The following LAIR1 variants were observed in gnomAD, a reference collection of about 807,000 sequenced individuals.
LAIR1 encodes the protein leukocyte associated immunoglobulin like receptor 1.
In LAIR1, 24 loss-of-function variants were observed where a neutral mutation model predicts 32.8. The ratio of observed to expected loss-of-function variants is 0.73; its 90% CI spans 0.53 to 1.03. LAIR1 has a LOEUF of 1.03. LAIR1 is among the 50% of genes least tolerant of loss of function. LAIR1 has a pLI of 0.00. For synonymous variants in LAIR1, 150 were observed against 140.5 expected, an observed-to-expected ratio of 1.07 and a Z score of -0.48; for missense variants, 355 against 347.5, an observed-to-expected ratio of 1.02 and a Z score of -0.17.
At chr19:54,360,575 G>C in intron 3 of LAIR1, 1 of 450,752 alleles carries the variant, frequency 2.2e-6, no homozygotes, top group Non-Finnish European at 4.0e-6. Flanking sequence ...CATCCATCCC[G>C]TGTGAAAAGA....
upstream of LAIR1, among the ~76,000 whole-genome samples, chr19:54,374,264 G>A (rs540153774): frequency 6.6e-6 from 1 of 152,136 alleles, no homozygotes; most frequent in Non-Finnish European, 1.5e-5. Flanking sequence ...AAAACCAAAG[G>A]TTCAAGTAAT....
At chr19:54,375,070 T>C (rs1401305785), upstream of LAIR1, among the ~76,000 whole-genome samples, 1 of 152,138 alleles carries the variant, frequency 6.6e-6, no homozygotes, top group Non-Finnish European at 1.5e-5. Flanking sequence ...AGTACGTCGC[T>C]CAAAATCTGC....
Position 54,360,641 on chromosome 19 carries a change from C to A in LAIR1, c.364+275G>T, listed in dbSNP as rs2081966181. 2.5e-5 allele frequency: 13 copies of A among 520,366 alleles called. No individual in the cohort carries two copies. The South Asian group carries it at 4.0e-4, about 16-fold the overall frequency. The allele number at this position is 520,366 out of a possible 1,614,324, so 32.2% of individuals were successfully genotyped here. A position where few individuals can be genotyped will look rare whatever the true frequency, so the allele number is the denominator to read the frequency against. On this transcript the variant is annotated intron_variant, in intron 3 of 9. Coordinates refer to ENST00000391742, the MANE Select transcript of LAIR1 (RefSeq NM_002287.6). ...TAATCTCTGGGAACCCACTCCCCACCCAGCCAAGCAGAGCCAGCTCTGAGC... is the reference window on the plus strand; with the variant it reads ...TAATCTCTGGGAACCCACTCCCCACACAGCCAAGCAGAGCCAGCTCTGAGC...
chr19:54,370,965 T>A (rs1601349701), upstream of LAIR1, among the ~76,000 whole-genome samples: 1 of 150,672 alleles, frequency 6.6e-6, no homozygotes, highest in Non-Finnish European at 1.5e-5. Context: ...TTTGTTTTTC[T>A]TTTTGCTTTT....
chr19:54,366,519 C>A (rs879466951), upstream of LAIR1, among the ~76,000 whole-genome samples: 1 of 152,048 alleles, frequency 6.6e-6, no homozygotes, highest in Non-Finnish European at 1.5e-5. Flanking sequence ...AACGGAGTCT[C>A]GCTCTGTTGC....
At chr19:54,356,176 G>A (rs2081693254) in intron 8 of LAIR1, 54 bp downstream of exon 8, 4 of 1,530,966 alleles carry the variant, frequency 2.6e-6, no homozygotes, top group Middle Eastern at 2.1e-4. Context: ...ATCTGGATTG[G>A]CACCAAGTCC....
rs1037033472 is a variant in LAIR1, at chr19:54,352,128, C to A, written c.*3140G>T. ...GGGCTCCAAGAAAGGGAAGGCCAGA[C>A]CCCTGGCCTCTGCCCTGGTTACTCA... On this transcript the variant is annotated 3_prime_UTR_variant, in exon 10 of 10. Transcript: ENST00000391742. 2.0e-5 allele frequency: 3 copies of A among 152,722 alleles called. No homozygotes were observed. The highest frequency in any genetic ancestry group is 4.4e-5 in the Non-Finnish European group (3 of 68,048). 9.5% of individuals were successfully genotyped at this position (152,722 alleles called of 1,614,324 possible).
In LAIR1 at chr19:54,364,850, A is replaced by G. The variant is rs182260087; in HGVS notation, c.-46T>C. The G allele has an allele frequency of 1.0e-4, 162 of 1,614,044 alleles. 1 individual carries two copies. In the East Asian group the frequency reaches 2.8e-3, roughly 28 times the overall value. Reference sequence around the variant, plus strand: ...AGCCTGGCCTGAGGCGCACCAATGCAAGGACAGAACTCTGCAGCAGACACA... The same window carrying G: ...AGCCTGGCCTGAGGCGCACCAATGCGAGGACAGAACTCTGCAGCAGACACA... On this transcript the variant is annotated 5_prime_UTR_variant, in exon 1 of 10. Transcript: ENST00000391742. The surrounding 1 kb of genome is among the most constrained non-coding windows in gnomAD (Gnocchi z 4.8).
upstream of LAIR1, among the ~76,000 whole-genome samples, chr19:54,366,679 G>A (rs1032593231): frequency 2.0e-5 from 3 of 151,996 alleles, no homozygotes; most frequent in African/African-American, 7.3e-5. Context: ...TAGCAGAGTC[G>A]GGGTTTCACC....
upstream of LAIR1, among the ~76,000 whole-genome samples, chr19:54,370,720 A>T (rs1048760962): frequency 6.6e-6 from 1 of 151,304 alleles, no homozygotes; most frequent in African/African-American, 2.5e-5. Flanking sequence ...GGGGCTGAGG[A>T]AGCAACACAG....
intron 8 of LAIR1, 67 bp from the exon 9 acceptor site, chr19:54,356,073 C>G: frequency 7.4e-7 from 1 of 1,357,872 alleles, no homozygotes. Flanking sequence ...CCTGAGACCC[C>G]CACCCCCAGC....
upstream of LAIR1, among the ~76,000 whole-genome samples, chr19:54,368,987 G>A (rs1364669973): frequency 1.3e-5 from 2 of 151,104 alleles, no homozygotes; most frequent in African/African-American, 2.5e-5. Context: ...GCACCCGGCC[G>A]ACTAATTCAT....
At chr19:54,359,264 C>A (rs2081888724) in intron 4 of LAIR1, among the ~76,000 whole-genome samples, 6 of 151,838 alleles carry the variant, frequency 4.0e-5, no homozygotes, top group Admixed American at 3.3e-4. Context: ...TGGCTTATGA[C>A]CCCGTGTCCT....
At chr19:54,357,155 T>C in intron 4 of LAIR1, 189 bp from the exon 5 acceptor site, 1 of 592,052 alleles carries the variant, frequency 1.7e-6, no homozygotes, top group South Asian at 2.1e-5. Context: ...CTGTCCAGCA[T>C]GAGAGTCACA....
Position 54,355,297 on chromosome 19 carries a change from T to C in LAIR1, c.835A>G (p.Ile279Val), listed in dbSNP as rs2081641913. The stretch of plus-strand genomic sequence containing the variant: ...TGTCTGGCAACGGCTGCATACGTGA[T>C]GGACTCGGCCATGGGCTTTGTGGAC... ...PQSTKPMAES[I>V]TYAAVARH The change falls in exon 10 of 10, where the codon ATC becomes GTC. Residue 279 changes from isoleucine (I) to valine (V), a missense_variant. Coordinates refer to ENST00000391742, the MANE Select transcript of LAIR1 (RefSeq NM_002287.6). This position sits in a 1 kb window ranked among gnomAD's most constrained non-coding sequence, Gnocchi z 4.7. The C allele has an allele frequency of 1.1e-5, 18 of 1,611,370 alleles. No homozygotes were observed. Among genetic ancestry groups the C allele is most frequent in the Non-Finnish European group, 1.4e-5 (17 of 1,178,678 alleles).
At chr19:54,363,210 G>T (rs1370285955) in intron 2 of LAIR1, among the ~76,000 whole-genome samples, 1 of 152,068 alleles carries the variant, frequency 6.6e-6, no homozygotes, top group African/African-American at 2.4e-5. Context: ...ACGGAGGGGA[G>T]AGGGGCTGTC....
upstream of LAIR1, among the ~76,000 whole-genome samples, chr19:54,367,590 C>CA (rs1276217612): frequency 1.2e-3 from 183 of 150,516 alleles, no homozygotes; most frequent in African/African-American, 4.2e-3. Flanking sequence ...ACTAAAAATA[C>CA]AAAAAATTAG....
upstream of LAIR1, among the ~76,000 whole-genome samples, chr19:54,366,035 G>A (rs574625475): frequency 6.6e-5 from 10 of 152,156 alleles, no homozygotes; most frequent in Non-Finnish European, 1.3e-4. Flanking sequence ...ACCAAGTACT[G>A]CATGATGTCA....
At chr19:54,373,234 T>A (rs11883082), upstream of LAIR1, among the ~76,000 whole-genome samples, 37,702 of 148,898 alleles carry the variant, frequency 0.25, 5,344 homozygotes, top group African/African-American at 0.34. Context: ...CGAGGTCAGG[T>A]GATCGAGACC....
Sources: allele counts gnomAD v4.1 joint callset (sites outside exome capture counted in the v4.1 genomes callset), GRCh38; gene constraint gnomAD v4.1.1; non-coding constraint Gnocchi (gnomAD v3.1); transcripts MANE v1.5; gene names NCBI Gene and HGNC (gene_info 2026-07-23, HGNC 2026-07-21).